The following SERPINB9 variants were observed in gnomAD, a reference collection of about 807,000 sequenced individuals.
The protein encoded by SERPINB9 is serpin B9.
In SERPINB9, 20 loss-of-function variants were observed where a neutral mutation model predicts 27.2. That is an observed-to-expected ratio of 0.74 (90% CI 0.52 to 1.07). The LOEUF (loss-of-function observed/expected upper bound fraction) is 1.07. Among genes scored for constraint, SERPINB9 ranks in the 50% least tolerant of loss-of-function variants. The probability of loss-of-function intolerance (pLI) is 0.00; values close to 1 mark genes in which losing one functional copy is unlikely to be tolerated. For synonymous variants in SERPINB9, 189 were observed against 180.0 expected (o/e 1.05, Z -0.40); for missense variants, 476 against 460.1 (o/e 1.03, Z -0.32).
intron 2 of SERPINB9, among the ~76,000 whole-genome samples, chr6:2,897,090 C>T (rs1425017242): frequency 4.1e-5 from 6 of 146,208 alleles, no homozygotes; most frequent in Non-Finnish European, 8.9e-5. Flanking sequence ...CAAGCTGCTG[C>T]ACTCCAGCCT....
At position 2,890,696 on chromosome 6, in the gene SERPINB9, C is replaced by T; in HGVS notation, c.724-126G>A. 1 of 861,460 alleles carries T rather than the reference C, an allele frequency of 1.2e-6. No homozygotes were observed. Among genetic ancestry groups the T allele is most frequent in the Non-Finnish European group, 1.8e-6 (1 of 556,736 alleles). The allele number at this position is 861,460 out of a possible 1,614,324, so 53.4% of individuals were successfully genotyped here. Reference sequence around the variant, plus strand: ...TTTGTTCACATAGGATCAGTGGCCCCTTCATCTGCCAGAAGCTTGTGAGCA... The same window carrying T: ...TTTGTTCACATAGGATCAGTGGCCCTTTCATCTGCCAGAAGCTTGTGAGCA... On this transcript the variant is annotated intron_variant, in intron 6 of 6. Transcript: ENST00000380698. This position sits in a 1 kb window ranked among gnomAD's most constrained non-coding sequence, Gnocchi z 6.2.
In SERPINB9 at chr6:2,891,791, C is replaced by T. The variant is rs773711366; in HGVS notation, c.723+42G>A. On this transcript the variant is annotated intron_variant, in intron 6 of 6. Transcript: ENST00000380698. The surrounding 1 kb of genome is among the most constrained non-coding windows in gnomAD (Gnocchi z 4.0). ...GTGGAAGTGGCACTCGAGTTCTGCC[C>T]GCAAAGGTGTCCCTGGGTTCTTCCC... 33 of 1,548,630 alleles carry T rather than the reference C, an allele frequency of 2.1e-5. No individual in the cohort carries two copies. The highest frequency in any genetic ancestry group is 1.9e-4 in the Middle Eastern group (1 of 5,260).
At chr6:2,899,084 G>T (rs1187974516) in intron 2 of SERPINB9, among the ~76,000 whole-genome samples, 1 of 152,100 alleles carries the variant, frequency 6.6e-6, no homozygotes, top group African/African-American at 2.4e-5. Flanking sequence ...TTGAACACTG[G>T]AGCCATGGAG....
chr6:2,892,247 T>C (rs1189754593), intron 5 of SERPINB9, among the ~76,000 whole-genome samples: 1 of 151,820 alleles, frequency 6.6e-6, no homozygotes, highest in Admixed American at 6.6e-5. Flanking sequence ...AGGAGAAAGA[T>C]GTTTCTCATT....
intron 1 of SERPINB9, among the ~76,000 whole-genome samples, chr6:2,901,643 T>TC (rs1768205653): frequency 6.6e-6 from 1 of 151,896 alleles, no homozygotes; most frequent in Non-Finnish European, 1.5e-5. Context: ...AGGCTGCAGT[T>TC]CCCAGTGCAC....
intron 5 of SERPINB9, among the ~76,000 whole-genome samples, chr6:2,892,925 G>A (rs1440948208): frequency 6.6e-6 from 1 of 151,542 alleles, no homozygotes; most frequent in South Asian, 2.1e-4. Context: ...ATGATAATTA[G>A]TTAACAATTC....
chr6:2,898,851 T>G (rs1046547492), intron 2 of SERPINB9, among the ~76,000 whole-genome samples: 2 of 152,106 alleles, frequency 1.3e-5, no homozygotes, highest in Non-Finnish European at 2.9e-5. Flanking sequence ...AGGAAGATGC[T>G]TTACATTATC....
intron 2 of SERPINB9, among the ~76,000 whole-genome samples, chr6:2,898,051 G>A (rs985379434): frequency 6.6e-6 from 1 of 151,976 alleles, no homozygotes; most frequent in Non-Finnish European, 1.5e-5. Flanking sequence ...ACTCCAGCCT[G>A]GGTGACAGAG....
rs537419644 is a variant in SERPINB9, at chr6:2,898,926, T to A, written c.168+1518A>T. Among the ~76,000 whole-genome samples the A allele has an allele frequency of 9.8e-5, 15 of 152,314 alleles. No individual in the cohort carries two copies. The South Asian group carries it at 2.3e-3, about 23-fold the overall frequency. On this transcript the variant is annotated intron_variant, in intron 2 of 6. Transcript: ENST00000380698. Reference sequence around the variant, plus strand: ...TTTCCTCCCTTCTACTTTTATTTTTTAAAAATTTTTATAGTGGACTTTTAC... The same window carrying A: ...TTTCCTCCCTTCTACTTTTATTTTTAAAAAATTTTTATAGTGGACTTTTAC...
chr6:2,888,272 T>A lies in SERPINB9; in HGVS notation c.*1891A>T, dbSNP rs79469053. Reference sequence around the variant, plus strand: ...TGGTTCAACTGCTGTGGAAAACAGTTTGTCTGTTCCTCAAAAAGCTAAACA... The same window carrying A: ...TGGTTCAACTGCTGTGGAAAACAGTATGTCTGTTCCTCAAAAAGCTAAACA... On this transcript the variant is annotated 3_prime_UTR_variant, in exon 7 of 7. Transcript: ENST00000380698. 6.6e-6 allele frequency: 1 copy of A among 152,146 alleles called. No homozygotes were observed. The highest frequency in any genetic ancestry group is 6.5e-5 in the Admixed American group (1 of 15,276). The allele number at this position is 152,146 out of a possible 1,614,324, so 9.4% of individuals were successfully genotyped here.
intron 5 of SERPINB9, among the ~76,000 whole-genome samples, chr6:2,892,240 A>G (rs1218241611): frequency 6.6e-6 from 1 of 151,944 alleles, no homozygotes. Flanking sequence ...TTTCCAGAGG[A>G]GAAAGATGTT....
At chr6:2,902,972 G>GA (rs1768252758) in intron 1 of SERPINB9, among the ~76,000 whole-genome samples, 1 of 152,210 alleles carries the variant, frequency 6.6e-6, no homozygotes, top group Non-Finnish European at 1.5e-5. Flanking sequence ...GGAGACATCC[G>GA]GGAGGGAGGC....
In SERPINB9 at chr6:2,891,453, T is replaced by C. The variant is rs1449398240; in HGVS notation, c.723+380A>G. Among the ~76,000 whole-genome samples the C allele has an allele frequency of 6.6e-6, 1 of 152,206 alleles. No homozygotes were observed. Among genetic ancestry groups the C allele is most frequent in the African/African-American group, 2.4e-5 (1 of 41,460 alleles). ...AAGCTTGTTACCTGAATTACCCACATTTTATCCTCATCATAACTCTAGGAG... is the reference window on the plus strand; with the variant it reads ...AAGCTTGTTACCTGAATTACCCACACTTTATCCTCATCATAACTCTAGGAG... On this transcript the variant is annotated intron_variant, in intron 6 of 6. Coordinates refer to ENST00000380698, the MANE Select transcript of SERPINB9 (RefSeq NM_004155.6). The surrounding 1 kb of genome is among the most constrained non-coding windows in gnomAD (Gnocchi z 4.0).
At chr6:2,895,623 TA>T (rs1473168365) in intron 3 of SERPINB9, 115 bp from the exon 4 acceptor site, 4 of 697,116 alleles carry the variant, frequency 5.7e-6, no homozygotes, top group Non-Finnish European at 9.9e-6. Context: ...CATAACTCTT[TA>T]AAAGTGATCA....
intron 2 of SERPINB9, among the ~76,000 whole-genome samples, chr6:2,899,616 A>AAT (rs1328350509): frequency 6.6e-6 from 1 of 152,114 alleles, no homozygotes; most frequent in Non-Finnish European, 1.5e-5. Flanking sequence ...CCTATTTCCA[A>AAT]ATATATATAT....
chr6:2,898,308 T>C (rs953044821), intron 2 of SERPINB9, among the ~76,000 whole-genome samples: 2 of 152,208 alleles, frequency 1.3e-5, no homozygotes, highest in Non-Finnish European at 2.9e-5. Flanking sequence ...AGACAGCTCA[T>C]AGACTGTTGA....
At chr6:2,893,249 CTCCT>C (rs1270017316) in intron 5 of SERPINB9, among the ~76,000 whole-genome samples, 158 bp downstream of exon 5, 3 of 46,084 alleles carry the variant, frequency 6.5e-5, no homozygotes, top group African/African-American at 2.9e-4. Flanking sequence ...ATATCTTTTA[CTCCT>C]TCCGTTTTTT....
At chr6:2,899,758 AAGAC>A (rs1768130888) in intron 2 of SERPINB9, 6 of 288,756 alleles carry the variant, frequency 2.1e-5, no homozygotes, top group Non-Finnish European at 2.1e-5. Context: ...ATCAAAGAAA[AAGAC>A]AGTCATATTG....
At chr6:2,893,593 T>A (rs370755531) in intron 4 of SERPINB9, 40 bp from the exon 5 acceptor site, 24 of 1,572,096 alleles carry the variant, frequency 1.5e-5, no homozygotes, top group Non-Finnish European at 2.0e-5. Flanking sequence ...TTGCTTTTTA[T>A]AAGAACCTGA....
Sources: allele counts gnomAD v4.1 joint callset (sites outside exome capture counted in the v4.1 genomes callset), GRCh38; gene constraint gnomAD v4.1.1; non-coding constraint Gnocchi (gnomAD v3.1); transcripts MANE v1.5; gene names NCBI Gene and HGNC (gene_info 2026-07-23, HGNC 2026-07-21).